PARP8: variants seen among roughly 807,000 people sequenced by gnomAD.
PARP8 encodes the protein protein mono-ADP-ribosyltransferase PARP8.
A neutral mutation model predicts 124.1 loss-of-function variants in PARP8; 51 were observed. The ratio of observed to expected loss-of-function variants is 0.41; its 90% CI spans 0.33 to 0.52. The LOEUF is 0.52. Ranked by LOEUF, PARP8 falls within the 20% of genes least tolerant of loss-of-function variation. The pLI, the probability that PARP8 is intolerant of heterozygous loss-of-function variation, is 0.21. For synonymous variants in PARP8, 391 were observed against 361.5 expected (o/e 1.08, Z -0.93); for missense variants, 860 against 1,018.9 (o/e 0.84, Z 2.12).
At chr5:50,840,754 G>A (rs1361416129) in intron 25 of PARP8, among the ~76,000 whole-genome samples, 1 of 151,832 alleles carries the variant, frequency 6.6e-6, no homozygotes, top group Non-Finnish European at 1.5e-5. Flanking sequence ...AAGTCATGGA[G>A]AATTAATCTC....
intron 2 of PARP8, among the ~76,000 whole-genome samples, chr5:50,746,619 C>A (rs866212524): frequency 6.6e-6 from 1 of 152,082 alleles, no homozygotes; most frequent in African/African-American, 2.4e-5. Context: ...GTATCATATT[C>A]TCTGGTTCCC....
chr5:50,703,056 T>C (rs1753759630), intron 2 of PARP8, among the ~76,000 whole-genome samples: 1 of 152,162 alleles, frequency 6.6e-6, no homozygotes, highest in South Asian at 2.1e-4. Flanking sequence ...ATCCCAGCAC[T>C]TTGGGAGGCT....
intron 7 of PARP8, among the ~76,000 whole-genome samples, chr5:50,775,423 C>T (rs577760755): frequency 4.1e-4 from 62 of 152,190 alleles, no homozygotes; most frequent in Non-Finnish European, 7.6e-4. Flanking sequence ...AGCGTGGCGG[C>T]GCGTGCCTGT....
chr5:50,730,003 CTT>C (rs1254114507), intron 2 of PARP8, among the ~76,000 whole-genome samples: 1 of 152,104 alleles, frequency 6.6e-6, no homozygotes, highest in African/African-American at 2.4e-5. Flanking sequence ...ATTTTAAATG[CTT>C]TCTTAAAGTG....
At chr5:50,732,283 A>G (rs1460915453) in intron 2 of PARP8, among the ~76,000 whole-genome samples, 1 of 152,234 alleles carries the variant, frequency 6.6e-6, no homozygotes, top group Non-Finnish European at 1.5e-5. Flanking sequence ...AATGAATTAT[A>G]TACAATATGG....
intron 2 of PARP8, among the ~76,000 whole-genome samples, chr5:50,694,651 G>T (rs2149465867): frequency 6.6e-6 from 1 of 152,254 alleles, no homozygotes; most frequent in South Asian, 2.1e-4. Flanking sequence ...GGCTGTATTA[G>T]TCTGGGTTCT....
At chr5:50,752,269 A>C (rs1056505535) in intron 3 of PARP8, among the ~76,000 whole-genome samples, 2 of 152,076 alleles carry the variant, frequency 1.3e-5, no homozygotes, top group Non-Finnish European at 2.9e-5. Flanking sequence ...GTGTTTTGTC[A>C]TATACTTTAG....
At chr5:50,747,384 A>G (rs1462194585) in intron 2 of PARP8, among the ~76,000 whole-genome samples, 3 of 151,974 alleles carry the variant, frequency 2.0e-5, no homozygotes, top group South Asian at 2.1e-4. Flanking sequence ...TATATGATCT[A>G]TCTTGATATT....
At chr5:50,736,340 G>A (rs1390102167) in intron 2 of PARP8, among the ~76,000 whole-genome samples, 1 of 152,084 alleles carries the variant, frequency 6.6e-6, no homozygotes, top group Admixed American at 6.6e-5. Flanking sequence ...AGTGGCTGCA[G>A]CATCTTTGTA....
intron 9 of PARP8, among the ~76,000 whole-genome samples, chr5:50,781,632 T>C (rs1740687348): frequency 6.6e-6 from 1 of 152,202 alleles, no homozygotes; most frequent in African/African-American, 2.4e-5. Context: ...CCTTGGCTGC[T>C]AACAGCTCCA....
chr5:50,803,951 A>C (rs1190614250), intron 14 of PARP8, among the ~76,000 whole-genome samples: 1 of 152,130 alleles, frequency 6.6e-6, no homozygotes, highest in African/African-American at 2.4e-5. Flanking sequence ...CTGTTTTGGC[A>C]GTCCTTAGCC....
At chr5:50,802,537 A>G (rs1447391709) in intron 14 of PARP8, among the ~76,000 whole-genome samples, 1 of 152,114 alleles carries the variant, frequency 6.6e-6, no homozygotes, top group Non-Finnish European at 1.5e-5. Context: ...TGAGCAGGCT[A>G]GTCTTGAAGT....
intron 10 of PARP8, among the ~76,000 whole-genome samples, chr5:50,793,682 CTTTT>C (rs1742210917): frequency 6.6e-6 from 1 of 152,098 alleles, no homozygotes; most frequent in Non-Finnish European, 1.5e-5. Context: ...TGCGTGTTTT[CTTTT>C]TATGTATGAT....
At chr5:50,759,571 A>C (rs1232818864) in intron 3 of PARP8, 72 bp from the exon 4 acceptor site, 1 of 1,433,732 alleles carries the variant, frequency 7.0e-7, no homozygotes, top group Non-Finnish European at 9.2e-7. Context: ...CATATAAATT[A>C]GCTATTATTT....
intron 14 of PARP8, among the ~76,000 whole-genome samples, chr5:50,801,448 G>A (rs993559173): frequency 6.6e-6 from 1 of 152,102 alleles, no homozygotes; most frequent in African/African-American, 2.4e-5. Context: ...TGTGCTTTTA[G>A]AGGAATTGGT....
rs1262330861 is a variant in PARP8 at position 50,667,278 on chromosome 5, T to C, written c.91+92T>C. On this transcript the variant is annotated intron_variant, in intron 1 of 25. Coordinates refer to ENST00000281631, the MANE Select transcript of PARP8 (RefSeq NM_024615.4). ...TGTGGCTGGGGGTGGGGTGGAGGGTTGCACGTCCCCATTCTGGGGTTCATT... is the reference window on the plus strand; with the variant it reads ...TGTGGCTGGGGGTGGGGTGGAGGGTCGCACGTCCCCATTCTGGGGTTCATT... The C allele has an allele frequency of 3.8e-6, 5 of 1,308,658 alleles. No homozygotes were observed. The East Asian group carries it at 6.9e-5, about 18-fold the overall frequency. 81.1% of individuals were successfully genotyped at this position (1,308,658 alleles called of 1,614,324 possible). A position where few individuals can be genotyped will look rare whatever the true frequency, so the allele number is the denominator to read the frequency against.
chr5:50,739,951 A>C (rs995939330), intron 2 of PARP8, among the ~76,000 whole-genome samples: 4 of 151,480 alleles, frequency 2.6e-5, no homozygotes, highest in African/African-American at 9.7e-5. Flanking sequence ...GGGTTTCACC[A>C]TCTTGGCCAG....
intron 15 of PARP8, among the ~76,000 whole-genome samples, chr5:50,817,747 T>C (rs1745262904): frequency 6.6e-6 from 1 of 152,234 alleles, no homozygotes; most frequent in Non-Finnish European, 1.5e-5. Flanking sequence ...TTGTATACCC[T>C]TAGGCTCTTC....
At chr5:50,811,819 A>C (rs1225010725) in intron 14 of PARP8, among the ~76,000 whole-genome samples, 2 of 152,068 alleles carry the variant, frequency 1.3e-5, no homozygotes, top group African/African-American at 4.8e-5. Flanking sequence ...ATTCCCACCT[A>C]TGAGTGAGAA....
Sources: gnomAD v4.1 joint callset for allele counts (sites outside exome capture counted in the v4.1 genomes callset) on GRCh38, gnomAD v4.1.1 for gene constraint, MANE v1.5 for transcripts, NCBI Gene and HGNC (gene_info 2026-07-23, HGNC 2026-07-21) for gene names.